GNAQ: variants seen among roughly 807,000 people sequenced by gnomAD.
The protein encoded by GNAQ is guanine nucleotide-binding protein G(q) subunit alpha.
Under a neutral mutation model 43.9 loss-of-function variants are expected in GNAQ, and 8 were observed. The observed-to-expected ratio is 0.18, with a 90% CI of 0.11 to 0.33. GNAQ has a LOEUF of 0.33. GNAQ is among the 10% of genes least tolerant of loss of function. The pLI is 1.00. For synonymous variants in GNAQ, 155 were observed against 170.7 expected, an observed-to-expected ratio of 0.91 and a Z score of 0.71; for missense variants, 158 against 450.8, an observed-to-expected ratio of 0.35 and a Z score of 5.88.
chr9:77,947,641 C>A (rs913706254), intron 1 of GNAQ, among the ~76,000 whole-genome samples: 11 of 152,214 alleles, frequency 7.2e-5, no homozygotes, highest in African/African-American at 2.2e-4. Flanking sequence ...ATGAAATTCC[C>A]ATGGCTGGAG....
intron 1 of GNAQ, among the ~76,000 whole-genome samples, chr9:77,943,952 A>C: frequency 6.6e-6 from 1 of 152,100 alleles, no homozygotes; most frequent in African/African-American, 2.4e-5. Flanking sequence ...CAGGCGTGAG[A>C]CACAGTGCCT....
At chr9:77,995,503 T>G (rs1823557580) in intron 1 of GNAQ, among the ~76,000 whole-genome samples, 2 of 152,038 alleles carry the variant, frequency 1.3e-5, no homozygotes, top group South Asian at 4.2e-4. Context: ...TATATATATT[T>G]TTTCCTTCCA....
intron 2 of GNAQ, among the ~76,000 whole-genome samples, chr9:77,844,908 T>C (rs879928558): frequency 6.6e-5 from 10 of 152,182 alleles, no homozygotes; most frequent in Admixed American, 6.6e-4. Context: ...CTCCTGACCT[T>C]GGGTGATCTG....
intron 2 of GNAQ, among the ~76,000 whole-genome samples, chr9:77,882,253 G>A (rs537845014): frequency 3.9e-5 from 6 of 152,178 alleles, no homozygotes; most frequent in African/African-American, 1.4e-4. Flanking sequence ...GTTGATTTGA[G>A]GTTCTTTTCT....
At chr9:77,903,973 A>G (rs1015205182) in intron 2 of GNAQ, among the ~76,000 whole-genome samples, 1 of 152,162 alleles carries the variant, frequency 6.6e-6, no homozygotes, top group African/African-American at 2.4e-5. Flanking sequence ...ATCACTCTCA[A>G]AACAGGCAAA....
intron 2 of GNAQ, among the ~76,000 whole-genome samples, chr9:77,863,328 C>G (rs987375311): frequency 1.3e-5 from 2 of 152,198 alleles, no homozygotes; most frequent in African/African-American, 4.8e-5. Context: ...AGGGCAGGGG[C>G]AAAACGTTGC....
chr9:77,953,313 A>G (rs1274404705), intron 1 of GNAQ, among the ~76,000 whole-genome samples: 1 of 152,226 alleles, frequency 6.6e-6, no homozygotes, highest in Admixed American at 6.5e-5. Context: ...ACCCCTAATT[A>G]GTTCATGTCT....
At chr9:77,732,908 C>T (rs2118233161) in intron 5 of GNAQ, among the ~76,000 whole-genome samples, 1 of 152,292 alleles carries the variant, frequency 6.6e-6, no homozygotes, top group African/African-American at 2.4e-5. Flanking sequence ...GGCTCCACTT[C>T]CACAGAGAAG....
intron 1 of GNAQ, among the ~76,000 whole-genome samples, chr9:78,006,150 T>C (rs1391336220): frequency 6.6e-6 from 1 of 152,190 alleles, no homozygotes; most frequent in South Asian, 2.1e-4. Flanking sequence ...CTGTCATAAA[T>C]AGGAATTTGA....
intron 5 of GNAQ, among the ~76,000 whole-genome samples, chr9:77,757,727 T>A (rs984098349): frequency 1.3e-5 from 2 of 152,330 alleles, no homozygotes; most frequent in South Asian, 4.1e-4. Flanking sequence ...CCAATAGCTA[T>A]GTAAGTCCAT....
chr9:77,897,174 A>T (rs1012317907), intron 2 of GNAQ, among the ~76,000 whole-genome samples: 4 of 152,262 alleles, frequency 2.6e-5, no homozygotes, highest in Non-Finnish European at 4.4e-5. Context: ...TTGGGGAATT[A>T]GTAGGCTAAC....
chr9:77,819,791 A>AC (rs1281417957), intron 2 of GNAQ, among the ~76,000 whole-genome samples: 2 of 151,586 alleles, frequency 1.3e-5, no homozygotes, highest in African/African-American at 2.4e-5. Context: ...GAAAAAAAAA[A>AC]AAAACCCTCA....
intron 2 of GNAQ, among the ~76,000 whole-genome samples, chr9:77,850,246 C>T (rs1033648571): frequency 1.3e-5 from 2 of 152,174 alleles, no homozygotes; most frequent in African/African-American, 4.8e-5. Flanking sequence ...GTCAATAATG[C>T]CCTCACTCAC....
At chr9:77,758,278 T>C (rs1825935117) in intron 5 of GNAQ, among the ~76,000 whole-genome samples, 1 of 152,228 alleles carries the variant, frequency 6.6e-6, no homozygotes, top group South Asian at 2.1e-4. Context: ...TTTGACATGA[T>C]TTTCCTCAAG....
chr9:77,826,886 C>G (rs1333332004), intron 2 of GNAQ, among the ~76,000 whole-genome samples: 1 of 152,090 alleles, frequency 6.6e-6, no homozygotes, highest in African/African-American at 2.4e-5. Flanking sequence ...TTACACAACC[C>G]TTTTTTTGTA....
chr9:77,955,198 G>A (rs182671880), intron 1 of GNAQ, among the ~76,000 whole-genome samples: 60 of 152,178 alleles, frequency 3.9e-4, no homozygotes, highest in African/African-American at 7.0e-4. Flanking sequence ...GCTGGAGTGC[G>A]GTGGCACGAT....
At chr9:77,731,758 T>C (rs1189300088) in intron 5 of GNAQ, among the ~76,000 whole-genome samples, 1 of 152,216 alleles carries the variant, frequency 6.6e-6, no homozygotes, top group Non-Finnish European at 1.5e-5. Flanking sequence ...CAAGACCGCA[T>C]TGAGCTGGAA....
chr9:77,917,262 A>T (rs1828923184), intron 2 of GNAQ, among the ~76,000 whole-genome samples: 1 of 152,202 alleles, frequency 6.6e-6, no homozygotes, highest in African/African-American at 2.4e-5. Context: ...TTCCTTGGCC[A>T]CATAAACACA....
chr9:77,835,555 T>C (rs1352878912), intron 2 of GNAQ, among the ~76,000 whole-genome samples: 21 of 152,168 alleles, frequency 1.4e-4, no homozygotes, highest in Admixed American at 2.6e-4. Flanking sequence ...AAATCATATA[T>C]AGTAAAGACA....
Sources: gnomAD v4.1 joint callset for allele counts (sites outside exome capture counted in the v4.1 genomes callset) on GRCh38, gnomAD v4.1.1 for gene constraint, MANE v1.5 for transcripts, NCBI Gene and HGNC (gene_info 2026-07-23, HGNC 2026-07-21) for gene names.